Variants in GALNT3 observed in about 807,000 individuals in gnomAD.
The protein encoded by GALNT3 is GalNAc transferase 3.
GALNT3 carries 51 observed loss-of-function variants against 69.8 expected under a neutral mutation model. The ratio of observed to expected loss-of-function variants is 0.73; its 90% CI spans 0.58 to 0.92. The LOEUF is 0.92. Ranked by LOEUF, GALNT3 falls within the 40% of genes least tolerant of loss-of-function variation. The pLI is 0.00. For missense variants in GALNT3, 711 were observed against 760.0 expected, an observed-to-expected ratio of 0.94 and a Z score of 0.76; for synonymous variants, 265 against 248.5, an observed-to-expected ratio of 1.07 and a Z score of -0.63.
chr2:165,769,638 C>T (rs1475071871), intron 2 of GALNT3, among the ~76,000 whole-genome samples: 1 of 151,632 alleles, frequency 6.6e-6, no homozygotes, highest in African/African-American at 2.4e-5. Flanking sequence ...GCCTGTAATC[C>T]CAGCTACTTG....
intron 9 of GALNT3, among the ~76,000 whole-genome samples, chr2:165,751,303 TCA>T: frequency 6.6e-6 from 1 of 152,296 alleles, no homozygotes; most frequent in East Asian, 1.9e-4. Flanking sequence ...TTCGCTGAAT[TCA>T]CAGAGCCATA....
Position 165,770,751 on chromosome 2 carries a change from G to C in GALNT3, c.-51C>G, listed in dbSNP as rs749017027. 1.0e-5 allele frequency: 16 copies of C among 1,576,160 alleles called. No homozygotes were observed. The highest frequency in any genetic ancestry group is 3.4e-6 in the Non-Finnish European group (4 of 1,164,098). ...ACAAATAACAGTTATTTCTTCTTCT[G>C]TTACTTATATTTTTTATCATAGATT... On this transcript the variant is annotated 5_prime_UTR_variant, in exon 2 of 11. Transcript: ENST00000392701.
At chr2:165,788,815 A>C (rs1212565357) in intron 1 of GALNT3, among the ~76,000 whole-genome samples, 2 of 152,172 alleles carry the variant, frequency 1.3e-5, no homozygotes, top group Non-Finnish European at 2.9e-5. Context: ...TCCAGAGTTA[A>C]GCAAGTCTCA....
In GALNT3 at chr2:165,761,916, A is replaced by G; in HGVS notation, c.827T>C (p.Leu276Ser). 6.2e-7 allele frequency: 1 copy of G among 1,614,102 alleles called. No homozygotes were observed. Among genetic ancestry groups the G allele is most frequent in the Non-Finnish European group, 8.5e-7 (1 of 1,179,978 alleles). The change falls in exon 4 of 11, where the codon TTA becomes TCA. Residue 276 changes from leucine (L) to serine (S), a missense_variant. Transcript: ENST00000392701. ...TVATAETLTFLDAHCECFYGW... is the reference protein window; with the variant it reads ...TVATAETLTFSDAHCECFYGW... The stretch of plus-strand genomic sequence containing the variant: ...ACATATATACTTACAGTGAGCATCT[A>G]AAAATGTGAGCGTTTCAGCTGTTGC...
At chr2:165,755,314 A>G (rs1237147659) in intron 7 of GALNT3, among the ~76,000 whole-genome samples, 3 of 152,160 alleles carry the variant, frequency 2.0e-5, no homozygotes, top group South Asian at 4.1e-4. Context: ...TTTATTCTTC[A>G]TTTGTGCCAC....
At chr2:165,792,846 G>T (rs561899817) in intron 1 of GALNT3, among the ~76,000 whole-genome samples, 1 of 152,022 alleles carries the variant, frequency 6.6e-6, no homozygotes, top group South Asian at 2.1e-4. Context: ...AGCCACAAAC[G>T]CAAAGAAAAA....
At chr2:165,774,908 T>C (rs989733113) in intron 1 of GALNT3, among the ~76,000 whole-genome samples, 1 of 126,562 alleles carries the variant, frequency 7.9e-6, no homozygotes, top group Non-Finnish European at 1.7e-5. Flanking sequence ...TCTTCTTCTC[T>C]CTTTTTTTTT....
intron 2 of GALNT3, among the ~76,000 whole-genome samples, chr2:165,767,766 G>A (rs2390304): frequency 0.99 from 151,228 of 152,290 alleles, 75,098 homozygotes; most frequent in East Asian, 1. Context: ...CTGGCTTTGG[G>A]AGAAACTAGG....
intron 9 of GALNT3, among the ~76,000 whole-genome samples, chr2:165,751,415 C>T (rs926994752): frequency 6.6e-6 from 1 of 152,068 alleles, no homozygotes; most frequent in African/African-American, 2.4e-5. Context: ...CAGATGGAAA[C>T]ACAGGAAGAA....
chr2:165,776,423 T>C (rs917451848), intron 1 of GALNT3, among the ~76,000 whole-genome samples: 1 of 152,166 alleles, frequency 6.6e-6, no homozygotes, highest in Non-Finnish European at 1.5e-5. Flanking sequence ...TTGTTCTTCT[T>C]GTACTCTTTC....
chr2:165,749,012 C>T, intron 10 of GALNT3, 109 bp from the exon 11 acceptor site: 1 of 1,148,134 alleles, frequency 8.7e-7, no homozygotes, highest in Non-Finnish European at 1.3e-6. Flanking sequence ...GCAAATCTTT[C>T]TAAGGTGAGC....
intron 9 of GALNT3, among the ~76,000 whole-genome samples, chr2:165,751,627 T>C (rs763079418): frequency 6.6e-6 from 1 of 152,208 alleles, no homozygotes; most frequent in African/African-American, 2.4e-5. Flanking sequence ...ACTGTGAATG[T>C]TGGAGAGACC....
intron 9 of GALNT3, among the ~76,000 whole-genome samples, chr2:165,753,401 AC>A (rs1688387056): frequency 7.0e-6 from 1 of 141,908 alleles, no homozygotes; most frequent in East Asian, 2.1e-4. Context: ...GCTCCTACCT[AC>A]TTTTTTTTTT....
chr2:165,754,627 C>T lies in GALNT3; in HGVS notation c.1626G>A (p.Gln542=). ...MYTCHGLGGN[Q]YFEYSAQHEI... is the part of the protein sequence containing the mutation. Reference sequence around the variant, plus strand: ...GAAGGATTTTTAATGCAGTGCTCACCTGGTTTCCCCCAAGTCCATGACATG... The same window carrying T: ...GAAGGATTTTTAATGCAGTGCTCACTTGGTTTCCCCCAAGTCCATGACATG... Residue 542 remains glutamine (Q), a splice_region_variant and synonymous_variant, in exon 9 of 11, where the codon CAG becomes CAA. Transcript: ENST00000392701. 6.2e-7 allele frequency: 1 copy of T among 1,606,876 alleles called. No homozygotes were observed. The highest frequency in any genetic ancestry group is 8.5e-7 in the Non-Finnish European group (1 of 1,173,780).
chr2:165,793,438 G>T (rs1286445474), intron 1 of GALNT3, among the ~76,000 whole-genome samples: 1 of 152,152 alleles, frequency 6.6e-6, no homozygotes, highest in Admixed American at 6.5e-5. Context: ...AGAGAGAGAG[G>T]GGTGTCCGCG....
chr2:165,754,647 G>T lies in GALNT3; in HGVS notation c.1606C>A (p.His536Asn), dbSNP rs765424119. Reference protein sequence around the residue: ...GGKPLIMYTCHGLGGNQYFEY... With the variant: ...GGKPLIMYTCNGLGGNQYFEY... ...CTCACCTGGTTTCCCCCAAGTCCAT[G>T]ACATGTATACATAATTAATGGTTTG... The change falls in exon 9 of 11, where the codon CAT (histidine) becomes AAT (asparagine). Residue 536 changes from histidine (H) to asparagine (N), a missense_variant. Transcript: ENST00000392701. 6.2e-7 allele frequency: 1 copy of T among 1,612,532 alleles called. No homozygotes were observed. The highest frequency in any genetic ancestry group is 1.7e-5 in the Admixed American group (1 of 59,970).
intron 9 of GALNT3, 62 bp downstream of exon 9, chr2:165,754,565 G>T: frequency 8.4e-7 from 1 of 1,190,406 alleles, no homozygotes; most frequent in South Asian, 1.2e-5. Context: ...TGAAAAATAG[G>T]CAACATCTCA....
intron 1 of GALNT3, among the ~76,000 whole-genome samples, chr2:165,778,810 G>A (rs1222562700): frequency 6.6e-6 from 1 of 152,200 alleles, no homozygotes; most frequent in African/African-American, 2.4e-5. Flanking sequence ...AATCACAGAG[G>A]TTGTCCCCTG....
intron 1 of GALNT3, among the ~76,000 whole-genome samples, chr2:165,778,913 A>T (rs1683037925): frequency 1.2e-5 from 1 of 83,348 alleles, no homozygotes; most frequent in Non-Finnish European, 2.4e-5. Context: ...CTCCCTAGAC[A>T]CCCAGTCTTG....
Sources: allele counts gnomAD v4.1 joint callset (sites outside exome capture counted in the v4.1 genomes callset), GRCh38; gene constraint gnomAD v4.1.1; transcripts MANE v1.5; gene names NCBI Gene and HGNC (gene_info 2026-07-23, HGNC 2026-07-21).